The following CASZ1 variants were observed in gnomAD, a reference collection of about 807,000 sequenced individuals.
The protein encoded by CASZ1 is castor zinc finger 1.
In CASZ1, 28 loss-of-function variants were observed where a neutral mutation model predicts 135.2. The ratio of observed to expected loss-of-function variants is 0.21; its 90% CI spans 0.15 to 0.28. The LOEUF (loss-of-function observed/expected upper bound fraction) is 0.28. Ranked by LOEUF, CASZ1 falls within the 10% of genes least tolerant of loss-of-function variation. The pLI is 1.00. For missense variants in CASZ1, 2,161 were observed against 2,453.3 expected (o/e 0.88, Z 2.52); for synonymous variants, 1,068 against 1,073.4 (o/e 0.99, Z 0.10).
chr1:10,712,420 T>A (rs981631316), intron 2 of CASZ1, among the ~76,000 whole-genome samples: 3 of 152,214 alleles, frequency 2.0e-5, no homozygotes, highest in Admixed American at 6.5e-5. Flanking sequence ...TTACGGTGTG[T>A]GCATTTTGCC....
chr1:10,743,664 T>TGGG (rs146404795), intron 2 of CASZ1, among the ~76,000 whole-genome samples: 573 of 23,418 alleles, frequency 0.024, 11 homozygotes, highest in African/African-American at 0.07. Context: ...GTCTCCAAAA[T>TGGG]GGGGGGGCGG....
Position 10,639,822 on chromosome 1 carries a change from T to A in CASZ1, c.4400A>T (p.Lys1467Met). ...YHCTRENCGYKFCGRTHMYKH... is the reference protein window; with the variant it reads ...YHCTRENCGYMFCGRTHMYKH... ...GTACATGTGCGTGCGCCCGCAGAAC[T>A]TGTAGCCGCAGTTCTCGCGCGTGCA... Residue 1467 changes from lysine (K) to methionine (M), a missense_variant, in exon 21 of 21, where the codon AAG (lysine) becomes ATG (methionine). Physicochemically the swap from Lys to Met is moderately conservative, Grantham distance 95. Transcript: ENST00000377022. The surrounding 1 kb of genome is among the most constrained non-coding windows in gnomAD (Gnocchi z 4.0). 1 of 1,610,552 alleles carries A rather than the reference T, an allele frequency of 6.2e-7. No homozygotes were observed. The highest frequency in any genetic ancestry group is 8.5e-7 in the Non-Finnish European group (1 of 1,178,910).
chr1:10,774,484 C>T lies in CASZ1; in HGVS notation c.-233-13627G>A, dbSNP rs1557564205. Among the ~76,000 whole-genome samples, 3 of 152,076 alleles carry T rather than the reference C, an allele frequency of 2.0e-5. No individual in the cohort carries two copies. Among genetic ancestry groups the T allele is most frequent in the South Asian group, 2.1e-4 (1 of 4,818 alleles). On this transcript the variant is annotated intron_variant, in intron 1 of 20. Transcript: ENST00000377022. The surrounding 1 kb of genome is among the most constrained non-coding windows in gnomAD (Gnocchi z 4.4). ...AAAAGAAGAGGTTGCTGGCCTGTTG[C>T]GGGGCTGGGTTTAGAGTCCTTTGCC... is the stretch of plus-strand genomic sequence containing the variant.
At position 10,742,942 on chromosome 1, in the gene CASZ1, G is replaced by A. The variant is rs369589299; in HGVS notation, c.-77+17759C>T. ...AGAGGTTGCAGTGAGCCGAGATCACGCCACTGCACTCCAACCTGGGCAACA... is the reference window on the plus strand; with the variant it reads ...AGAGGTTGCAGTGAGCCGAGATCACACCACTGCACTCCAACCTGGGCAACA... On this transcript the variant is annotated intron_variant, in intron 2 of 20. Coordinates refer to ENST00000377022, the MANE Select transcript of CASZ1 (RefSeq NM_001079843.3). Among the ~76,000 whole-genome samples, 272 of 152,082 alleles carry A rather than the reference G, an allele frequency of 1.8e-3. 1 individual carries two copies. The highest frequency in any genetic ancestry group is 6.1e-3 in the African/African-American group (253 of 41,478).
At chr1:10,661,960 C>T (rs1274382692) in intron 5 of CASZ1, among the ~76,000 whole-genome samples, 1 of 147,454 alleles carries the variant, frequency 6.8e-6, no homozygotes, top group Non-Finnish European at 1.5e-5. Flanking sequence ...CCATCACATA[C>T]ACACTCACAT....
rs1022661239 is a variant in CASZ1, at chr1:10,699,603, C to G, written c.-23-5691G>C. On this transcript the variant is annotated intron_variant, in intron 3 of 20. Coordinates refer to ENST00000377022, the MANE Select transcript of CASZ1 (RefSeq NM_001079843.3). The surrounding 1 kb of genome is among the most constrained non-coding windows in gnomAD (Gnocchi z 4.6). ...TTTGCCAGGCAGCCAGGAGTGCCAG[C>G]AGGGGAGGCACCCGCAAACAAAACA... is the stretch of plus-strand genomic sequence containing the variant. 1.3e-5 allele frequency among the ~76,000 whole-genome samples: 2 copies of G among 152,198 alleles called. No homozygotes were observed. Among genetic ancestry groups the G allele is most frequent in the African/African-American group, 4.8e-5 (2 of 41,444 alleles).
At position 10,656,701 on chromosome 1, in the gene CASZ1, C is replaced by G. The variant is rs1458961782; in HGVS notation, c.1445G>C (p.Cys482Ser). Residue 482 changes from cysteine (C) to serine (S), a missense_variant, in exon 8 of 21, where the codon TGT (cysteine) becomes TCT (serine). Cys to Ser is a moderately radical substitution (Grantham distance 112). Coordinates refer to ENST00000377022, the MANE Select transcript of CASZ1 (RefSeq NM_001079843.3). ...SGSQHCGHIH[C>S]AYQYREHYHC... The stretch of plus-strand genomic sequence containing the variant: ...GTAGTGCTCGCGGTACTGGTAGGCA[C>G]AGTGGATGTGGCCACAGTGCTGGCT... 6.2e-7 allele frequency: 1 copy of G among 1,603,094 alleles called. No homozygotes were observed. The highest frequency in any genetic ancestry group is 8.5e-7 in the Non-Finnish European group (1 of 1,175,884).
chr1:10,767,446 G>T lies in CASZ1; in HGVS notation c.-233-6589C>A, dbSNP rs1348177256. 6.6e-6 allele frequency among the ~76,000 whole-genome samples: 1 copy of T among 152,174 alleles called. No individual in the cohort carries two copies. The highest frequency in any genetic ancestry group is 2.4e-5 in the African/African-American group (1 of 41,442). On this transcript the variant is annotated intron_variant, in intron 1 of 20. Transcript: ENST00000377022. This position sits in a 1 kb window ranked among gnomAD's most constrained non-coding sequence, Gnocchi z 4.2. ...CAGATCCTAGGCAGATCCCTGGAGG[G>T]GACAGGGCGGGGGCGATGGGAGCAC...
At position 10,757,822 on chromosome 1, in the gene CASZ1, A is replaced by G. The variant is rs1373285085; in HGVS notation, c.-77+2879T>C. 1.3e-5 allele frequency among the ~76,000 whole-genome samples: 2 copies of G among 151,956 alleles called. No homozygotes were observed. The highest frequency in any genetic ancestry group is 2.9e-5 in the Non-Finnish European group (2 of 67,962). ...ACAAAAAACAGAAAACCATCACATCACTTTACCTCTGGCTCAAAACCCTCC... is the reference window on the plus strand; with the variant it reads ...ACAAAAAACAGAAAACCATCACATCGCTTTACCTCTGGCTCAAAACCCTCC... On this transcript the variant is annotated intron_variant, in intron 2 of 20. Transcript: ENST00000377022. This position sits in a 1 kb window ranked among gnomAD's most constrained non-coding sequence, Gnocchi z 4.6.
chr1:10,786,102 C>T (rs544874804), intron 1 of CASZ1, among the ~76,000 whole-genome samples: 251 of 152,318 alleles, frequency 1.6e-3, no homozygotes, highest in African/African-American at 5.9e-3. Context: ...CTGGGATTGC[C>T]AGCACCCAGA....
chr1:10,715,975 C>T (rs1361594690), intron 2 of CASZ1, among the ~76,000 whole-genome samples: 11 of 140,272 alleles, frequency 7.8e-5, no homozygotes, highest in South Asian at 4.8e-4. Flanking sequence ...CAATCCGCTC[C>T]CCACAGCACC....
At chr1:10,740,958 G>GATAAA (rs1326815549) in intron 2 of CASZ1, among the ~76,000 whole-genome samples, 1 of 26,376 alleles carries the variant, frequency 3.8e-5, no homozygotes, top group East Asian at 8.8e-3. Flanking sequence ...ACCCTGTCTG[G>GATAAA]ACAAAAAAAA....
Position 10,694,188 on chromosome 1 carries a change from G to T in CASZ1, c.-23-276C>A, listed in dbSNP as rs1638860052. 1 of 312,902 alleles carries T rather than the reference G, an allele frequency of 3.2e-6. No individual in the cohort carries two copies. Among genetic ancestry groups the T allele is most frequent in the Non-Finnish European group, 4.7e-6 (1 of 210,678 alleles). The allele number at this position is 312,902 out of a possible 1,614,324, so 19.4% of individuals were successfully genotyped here. ...CCCCGGCTTGGGGGCCCTGGCCGGG[G>T]GATCCGCGAGGCCCAGGGGCGCCCC... On this transcript the variant is annotated intron_variant, in intron 3 of 20. Transcript: ENST00000377022. This position sits in a 1 kb window ranked among gnomAD's most constrained non-coding sequence, Gnocchi z 6.6.
chr1:10,644,086 T>C (rs1262317060), intron 18 of CASZ1, among the ~76,000 whole-genome samples: 4 of 152,230 alleles, frequency 2.6e-5, no homozygotes, highest in African/African-American at 9.6e-5. Flanking sequence ...CCTTTCACTT[T>C]TGGAAGGACC....
chr1:10,640,969 G>A (rs566703768), intron 20 of CASZ1, among the ~76,000 whole-genome samples: 31 of 152,298 alleles, frequency 2.0e-4, no homozygotes, highest in African/African-American at 7.0e-4. Flanking sequence ...GGCTCCCCAC[G>A]CCACCCTCCA....
rs940889899 is a variant in CASZ1 at position 10,680,913 on chromosome 1, T to C, written c.16+12961A>G. On this transcript the variant is annotated intron_variant, in intron 4 of 20. Coordinates refer to ENST00000377022, the MANE Select transcript of CASZ1 (RefSeq NM_001079843.3). ...CCCATCTTTCTTTCTTTCTTTCTTT[T>C]TTTTGGAGACAGGGTCTTACTCTGT... Among the ~76,000 whole-genome samples, 23 of 152,186 alleles carry C rather than the reference T, an allele frequency of 1.5e-4. No homozygotes were observed. In the East Asian group the frequency reaches 1.9e-3, roughly 13 times the overall value.
At chr1:10,710,277 C>T (rs1639260897) in intron 2 of CASZ1, among the ~76,000 whole-genome samples, 1 of 152,138 alleles carries the variant, frequency 6.6e-6, no homozygotes, top group African/African-American at 2.4e-5. Flanking sequence ...GGGATGTTGC[C>T]CTATGTGGTC....
chr1:10,654,369 CT>C (rs747691686), intron 10 of CASZ1, 49 bp downstream of exon 10: 2 of 1,597,190 alleles, frequency 1.3e-6, no homozygotes, highest in South Asian at 2.3e-5. Flanking sequence ...GGGTCCTTGC[CT>C]TCCCTCCCCG....
At chr1:10,738,675 G>C (rs1292202582) in intron 2 of CASZ1, among the ~76,000 whole-genome samples, 2 of 152,246 alleles carry the variant, frequency 1.3e-5, no homozygotes, top group Non-Finnish European at 2.9e-5. Flanking sequence ...ACAAAGGTGG[G>C]GCTGAAGGTG....
Sources: allele counts gnomAD v4.1 joint callset (sites outside exome capture counted in the v4.1 genomes callset), GRCh38; gene constraint gnomAD v4.1.1; non-coding constraint Gnocchi (gnomAD v3.1); transcripts MANE v1.5; gene names NCBI Gene and HGNC (gene_info 2026-07-23, HGNC 2026-07-21).